Variants in BACH2 observed in about 807,000 individuals in gnomAD.
The protein encoded by BACH2 is transcription regulator protein BACH2.
A neutral mutation model predicts 61.8 loss-of-function variants in BACH2; 5 were observed. The observed-to-expected ratio is 0.08, with a 90% confidence interval of 0.04 to 0.17. The LOEUF (loss-of-function observed/expected upper bound fraction) is 0.17. Among genes scored for constraint, BACH2 ranks in the 10% least tolerant of loss-of-function variants. The pLI, the probability that BACH2 is intolerant of heterozygous loss-of-function variation, is 1.00. For missense variants in BACH2, 824 were observed against 1,091.1 expected (o/e 0.76, Z 3.45); for synonymous variants, 446 against 440.1 (o/e 1.01, Z -0.17).
chr6:89,958,293 T>G (rs1774536255), intron 6 of BACH2, among the ~76,000 whole-genome samples: 1 of 152,252 alleles, frequency 6.6e-6, no homozygotes, highest in Non-Finnish European at 1.5e-5. Flanking sequence ...ACTCATTTTT[T>G]CATTCTCCAA....
rs984719899 is a variant in BACH2 at position 89,950,793 on chromosome 6, C to T, written c.1313G>A (p.Cys438Tyr). 1.9e-6 allele frequency: 3 copies of T among 1,614,068 alleles called. No homozygotes were observed. The highest frequency in any genetic ancestry group is 2.7e-5 in the African/African-American group (2 of 74,940). Residue 438 changes from cysteine (C) to tyrosine (Y), a missense_variant, in exon 7 of 9, where the codon TGT becomes TAT. Physicochemically the swap from Cys to Tyr is radical, Grantham distance 194 (BLOSUM62 -2). Transcript: ENST00000257749. This position sits in a 1 kb window ranked among gnomAD's most constrained non-coding sequence, Gnocchi z 5.3. ...ATGCACCGAGGTGCTCACTTGGTCACAAGCGCTGGAGGAGAAGATCACGCT... is the reference window on the plus strand; with the variant it reads ...ATGCACCGAGGTGCTCACTTGGTCATAAGCGCTGGAGGAGAAGATCACGCT... ...RRSVIFSSSA[C>Y]DQVSTSVHSY...
rs75474190 is a variant in BACH2 at position 90,256,988 on chromosome 6, C to T, written c.-352-4398G>A. ...GATCATATAATATGTCTTTCTTTGG[C>T]GTATTTCGCTTAGCACAATGGGCTT... On this transcript the variant is annotated intron_variant, in intron 2 of 8. Coordinates refer to ENST00000257749, the MANE Select transcript of BACH2 (RefSeq NM_021813.4). Among the ~76,000 whole-genome samples the T allele has an allele frequency of 4.0e-3, 604 of 152,254 alleles. 1 individual carries two copies. Among genetic ancestry groups the T allele is most frequent in the Admixed American group, 7.1e-3 (109 of 15,296 alleles).
intron 2 of BACH2, among the ~76,000 whole-genome samples, chr6:90,264,416 G>T (rs1485192248): frequency 6.6e-6 from 1 of 151,948 alleles, no homozygotes; most frequent in East Asian, 1.9e-4. Context: ...TTAATAATTG[G>T]CAAATATAAA....
chr6:90,296,174 T>C (rs1772371492), intron 1 of BACH2, among the ~76,000 whole-genome samples: 2 of 151,996 alleles, frequency 1.3e-5, no homozygotes, highest in South Asian at 2.1e-4. Flanking sequence ...CCCTCTGCTG[T>C]TCCAAAACAC....
chr6:90,162,346 T>C (rs1280506320), intron 4 of BACH2, among the ~76,000 whole-genome samples: 1 of 152,178 alleles, frequency 6.6e-6, no homozygotes, highest in East Asian at 1.9e-4. Context: ...CACAAAAAAT[T>C]CAGAGACCAG....
At chr6:90,091,294 T>C (rs1322758088) in intron 4 of BACH2, among the ~76,000 whole-genome samples, 1 of 152,200 alleles carries the variant, frequency 6.6e-6, no homozygotes, top group African/African-American at 2.4e-5. Context: ...TTGAAAGTCC[T>C]ATATTGACAC....
At chr6:90,158,439 A>T (rs1398290697) in intron 4 of BACH2, among the ~76,000 whole-genome samples, 1 of 151,268 alleles carries the variant, frequency 6.6e-6, no homozygotes, top group Non-Finnish European at 1.5e-5. Flanking sequence ...GTGGGAGGCA[A>T]GGCACAGGTA....
intron 6 of BACH2, among the ~76,000 whole-genome samples, chr6:89,995,688 C>T (rs1776806471): frequency 6.6e-6 from 1 of 152,170 alleles, no homozygotes; most frequent in Non-Finnish European, 1.5e-5. Context: ...TGAATTTGTT[C>T]ATGGCATTTA....
At chr6:90,211,632 G>GT in intron 3 of BACH2, among the ~76,000 whole-genome samples, 1 of 142,270 alleles carries the variant, frequency 7.0e-6, no homozygotes, top group South Asian at 2.3e-4. Flanking sequence ...GTGTGTGTGT[G>GT]CTCTCCTGAC....
intron 6 of BACH2, among the ~76,000 whole-genome samples, chr6:90,003,624 T>C (rs1002278062): frequency 6.6e-6 from 1 of 152,154 alleles, no homozygotes; most frequent in African/African-American, 2.4e-5. Flanking sequence ...AATAAATAAA[T>C]GAGTGAGGAA....
chr6:89,948,189 C>G (rs1307155456), intron 7 of BACH2, among the ~76,000 whole-genome samples: 5 of 152,060 alleles, frequency 3.3e-5, no homozygotes, highest in African/African-American at 1.2e-4. Context: ...ACACCACCCT[C>G]CCTTGAGCTT....
rs1387343645 is a variant in BACH2, at chr6:89,928,209, T to C, written c.*4199A>G. The stretch of plus-strand genomic sequence containing the variant: ...AAACTTGATTCTTGCTCCTTCTGGA[T>C]CTGAGACTCCTCCTAAACTGTAAGC... On this transcript the variant is annotated 3_prime_UTR_variant, in exon 9 of 9. Coordinates refer to ENST00000257749, the MANE Select transcript of BACH2 (RefSeq NM_021813.4). The C allele has an allele frequency of 6.6e-6, 1 of 152,390 alleles. No homozygotes were observed. The highest frequency in any genetic ancestry group is 1.5e-5 in the Non-Finnish European group (1 of 68,046). The allele number at this position is 152,390 out of a possible 1,614,324, so 9.4% of individuals were successfully genotyped here. A position where few individuals can be genotyped will look rare whatever the true frequency, so the allele number is the denominator to read the frequency against.
intron 6 of BACH2, among the ~76,000 whole-genome samples, chr6:89,998,156 C>T (rs996321170): frequency 7.6e-6 from 1 of 132,278 alleles, no homozygotes. Flanking sequence ...CTTTCATTGG[C>T]TAAATCCCAG....
At chr6:90,148,632 A>T (rs1784702794) in intron 4 of BACH2, among the ~76,000 whole-genome samples, 1 of 152,196 alleles carries the variant, frequency 6.6e-6, no homozygotes, top group East Asian at 1.9e-4. Context: ...AAGAGATTAC[A>T]ACATTTAAAA....
chr6:90,151,171 G>T (rs1048999315), intron 4 of BACH2, among the ~76,000 whole-genome samples: 5 of 152,144 alleles, frequency 3.3e-5, no homozygotes, highest in African/African-American at 1.2e-4. Context: ...CCACACCATG[G>T]CTACAGAAAT....
intron 4 of BACH2, among the ~76,000 whole-genome samples, chr6:90,133,796 G>T (rs1238199524): frequency 1.3e-5 from 2 of 152,068 alleles, no homozygotes; most frequent in African/African-American, 4.8e-5. Flanking sequence ...GCGGTGTTTG[G>T]TTTTTTGCCC....
chr6:90,188,188 A>G (rs1305628115), intron 4 of BACH2, among the ~76,000 whole-genome samples: 1 of 152,228 alleles, frequency 6.6e-6, no homozygotes, highest in Admixed American at 6.5e-5. Context: ...CTTTTGATAT[A>G]AATGTGTTCT....
At chr6:90,118,089 G>T (rs1462293891) in intron 4 of BACH2, among the ~76,000 whole-genome samples, 1 of 152,108 alleles carries the variant, frequency 6.6e-6, no homozygotes, top group African/African-American at 2.4e-5. Flanking sequence ...GTCTAATAGA[G>T]AATGTAAGGG....
chr6:90,223,897 T>C (rs1769825464), intron 3 of BACH2, among the ~76,000 whole-genome samples: 2 of 152,204 alleles, frequency 1.3e-5, no homozygotes, highest in Admixed American at 6.5e-5. Flanking sequence ...GAATCTCTGC[T>C]CTCAAAACTC....
Sources: allele counts gnomAD v4.1 joint callset (sites outside exome capture counted in the v4.1 genomes callset), GRCh38; gene constraint gnomAD v4.1.1; non-coding constraint Gnocchi (gnomAD v3.1); transcripts MANE v1.5; gene names NCBI Gene and HGNC (gene_info 2026-07-23, HGNC 2026-07-21).